The following MALRD1 variants were observed in gnomAD, a reference collection of about 807,000 sequenced individuals.
MALRD1 encodes the protein MAM and LDL-receptor class A domain-containing protein 1.
Under a neutral mutation model 242.1 loss-of-function variants are expected in MALRD1, and 247 were observed. The observed-to-expected ratio is 1.02, with a 90% CI of 0.92 to 1.13. The LOEUF (loss-of-function observed/expected upper bound fraction) is 1.13. Among genes scored for constraint, MALRD1 ranks in the 50% most tolerant of loss-of-function variants. The probability of loss-of-function intolerance (pLI) is 0.00; values close to 1 mark genes in which losing one functional copy is unlikely to be tolerated. For synonymous variants in MALRD1, 995 were observed against 866.6 expected, an observed-to-expected ratio of 1.15 and a Z score of -2.60; for missense variants, 2,989 against 2,533.1, an observed-to-expected ratio of 1.18 and a Z score of -3.86.
intron 4 of MALRD1, among the ~76,000 whole-genome samples, chr10:19,097,607 A>T (rs1391539236): frequency 6.6e-6 from 1 of 152,168 alleles, no homozygotes; most frequent in African/African-American, 2.4e-5. Context: ...TGTCAGAGGC[A>T]TTAGTACCAG....
In MALRD1 at chr10:19,498,471, T is replaced by G. The variant is rs1043348297; in HGVS notation, c.5159-14T>G. On this transcript the variant is annotated splice_polypyrimidine_tract_variant and intron_variant, in intron 30 of 39. Transcript: ENST00000454679. ...ACATTTCCAGAAATTCCATTAATGT[T>G]TTTGCTTCCCCAGCACATTATACAA... 1.5e-5 allele frequency: 23 copies of G among 1,536,302 alleles called. No homozygotes were observed. In the African/African-American group the frequency reaches 3.2e-4, roughly 21 times the overall value.
chr10:19,712,090 A>G (rs1253956506), intron 38 of MALRD1, among the ~76,000 whole-genome samples: 1 of 152,160 alleles, frequency 6.6e-6, no homozygotes, highest in Non-Finnish European at 1.5e-5. Context: ...AAAGGAACTC[A>G]GATAAGACAA....
intron 31 of MALRD1, among the ~76,000 whole-genome samples, chr10:19,507,964 A>G (rs2131277980): frequency 6.6e-6 from 1 of 152,318 alleles, no homozygotes; most frequent in African/African-American, 2.4e-5. Flanking sequence ...TATCTGTTGA[A>G]TAAATCAGAG....
intron 26 of MALRD1, among the ~76,000 whole-genome samples, chr10:19,368,936 A>G (rs1397836466): frequency 6.7e-6 from 1 of 148,376 alleles, no homozygotes; most frequent in Non-Finnish European, 1.5e-5. Flanking sequence ...TAATTTAAAT[A>G]TATTTCTTTA....
At chr10:19,663,993 G>C (rs1290409924) in intron 36 of MALRD1, among the ~76,000 whole-genome samples, 2 of 152,048 alleles carry the variant, frequency 1.3e-5, no homozygotes, top group Non-Finnish European at 2.9e-5. Context: ...AAGAAACAAG[G>C]AAAAGGCAAA....
intron 28 of MALRD1, among the ~76,000 whole-genome samples, chr10:19,439,716 AAAT>A (rs1834527103): frequency 6.6e-6 from 1 of 152,108 alleles, no homozygotes; most frequent in Admixed American, 6.6e-5. Flanking sequence ...ATATAGATAT[AAAT>A]AATAAGTATA....
chr10:19,273,692 A>G (rs1231795697), intron 19 of MALRD1, among the ~76,000 whole-genome samples: 1 of 152,228 alleles, frequency 6.6e-6, no homozygotes, highest in Non-Finnish European at 1.5e-5. Context: ...CTATGGAGAT[A>G]GTAAAAACAT....
At chr10:19,409,516 A>T (rs4133062) in intron 28 of MALRD1, among the ~76,000 whole-genome samples, 2,339 of 152,260 alleles carry the variant, frequency 0.015, 63 homozygotes, top group African/African-American at 0.053. Flanking sequence ...TTAAGGAGGG[A>T]AATGGGATAG....
chr10:19,725,558 C>T (rs1363437240), intron 38 of MALRD1, among the ~76,000 whole-genome samples: 1 of 152,182 alleles, frequency 6.6e-6, no homozygotes, highest in Non-Finnish European at 1.5e-5. Flanking sequence ...TCAAGGCAAT[C>T]TCTATCGAAA....
At chr10:19,273,048 G>T (rs1227289165) in intron 19 of MALRD1, among the ~76,000 whole-genome samples, 1 of 152,142 alleles carries the variant, frequency 6.6e-6, no homozygotes, top group Non-Finnish European at 1.5e-5. Context: ...TATATATCCA[G>T]TAATGGGATT....
intron 21 of MALRD1, among the ~76,000 whole-genome samples, chr10:19,284,402 T>G: frequency 1.3e-5 from 1 of 79,014 alleles, no homozygotes; most frequent in East Asian, 4.4e-4. Flanking sequence ...CCCTCCCCCC[T>G]CCCCCCACCC....
intron 36 of MALRD1, among the ~76,000 whole-genome samples, chr10:19,677,429 T>C (rs192221030): frequency 5.3e-5 from 8 of 152,330 alleles, no homozygotes; most frequent in Admixed American, 5.2e-4. Flanking sequence ...TTGAGCTTTT[T>C]AAAAGTATAT....
At chr10:19,661,327 C>T (rs1841418870) in intron 36 of MALRD1, among the ~76,000 whole-genome samples, 1 of 152,134 alleles carries the variant, frequency 6.6e-6, no homozygotes, top group South Asian at 2.1e-4. Flanking sequence ...TATAAAGACA[C>T]ATGCACACGT....
At chr10:19,188,847 G>A (rs1470668230) in intron 14 of MALRD1, among the ~76,000 whole-genome samples, 1 of 121,368 alleles carries the variant, frequency 8.2e-6, no homozygotes, top group Admixed American at 9.0e-5. Flanking sequence ...AGCTAGGTAG[G>A]GTGAGAGCAG....
chr10:19,397,835 A>G (rs1846655570), intron 28 of MALRD1, among the ~76,000 whole-genome samples: 1 of 151,888 alleles, frequency 6.6e-6, no homozygotes, highest in South Asian at 2.1e-4. Flanking sequence ...TGTCTTTTTG[A>G]TAATAGCCAT....
intron 14 of MALRD1, among the ~76,000 whole-genome samples, chr10:19,183,544 A>G (rs183692387): frequency 1.3e-5 from 2 of 152,286 alleles, no homozygotes; most frequent in East Asian, 3.9e-4. Context: ...AATGCTATTT[A>G]TTTTAATTTT....
At chr10:19,655,538 A>G (rs1352913591) in intron 36 of MALRD1, among the ~76,000 whole-genome samples, 7 of 35,686 alleles carry the variant, frequency 2.0e-4, no homozygotes, top group South Asian at 1.3e-3. Context: ...GTGTATATAT[A>G]TATATATATA....
intron 18 of MALRD1, among the ~76,000 whole-genome samples, chr10:19,236,306 G>A (rs1199580720): frequency 6.6e-6 from 1 of 152,140 alleles, no homozygotes; most frequent in Non-Finnish European, 1.5e-5. Context: ...ACCTGGAATG[G>A]CCCACAGTTT....
intron 33 of MALRD1, among the ~76,000 whole-genome samples, chr10:19,587,770 A>G (rs903064875): frequency 1.3e-5 from 2 of 152,118 alleles, no homozygotes; most frequent in Non-Finnish European, 1.5e-5. Context: ...GTTACTGGGA[A>G]TGTCGAAGTT....
Sources: gnomAD v4.1 joint callset for allele counts (sites outside exome capture counted in the v4.1 genomes callset) on GRCh38, gnomAD v4.1.1 for gene constraint, MANE v1.5 for transcripts, NCBI Gene and HGNC (gene_info 2026-07-23, HGNC 2026-07-21) for gene names.